The following NRXN1 variants were observed in gnomAD, a reference collection of about 807,000 sequenced individuals.
NRXN1 encodes the protein neurexin 1.
Under a neutral mutation model 150.9 loss-of-function variants are expected in NRXN1, and 39 were observed. The ratio of observed to expected loss-of-function variants is 0.26; its 90% CI spans 0.20 to 0.34. NRXN1 has a LOEUF of 0.34. Among genes scored for constraint, NRXN1 ranks in the 10% least tolerant of loss-of-function variants. NRXN1 has a pLI of 1.00. For missense variants in NRXN1, 1,815 were observed against 1,949.9 expected (o/e 0.93, Z 1.30); for synonymous variants, 924 against 757.0 (o/e 1.22, Z -3.62).
At chr2:50,610,395 G>A (rs1487597588) in intron 8 of NRXN1, among the ~76,000 whole-genome samples, 9 of 151,564 alleles carry the variant, frequency 5.9e-5, no homozygotes, top group African/African-American at 2.2e-4. Context: ...GTATACAACT[G>A]AGCAGAGAGA....
At chr2:50,515,552 C>A (rs141858149) in intron 12 of NRXN1, among the ~76,000 whole-genome samples, 9 of 150,742 alleles carry the variant, frequency 6.0e-5, no homozygotes, top group African/African-American at 2.2e-4. Context: ...AATTAGGTTC[C>A]TTTCCTTTTC....
intron 2 of NRXN1, among the ~76,000 whole-genome samples, chr2:50,934,571 G>A (rs1055020773): frequency 1.3e-5 from 2 of 152,126 alleles, no homozygotes; most frequent in Non-Finnish European, 2.9e-5. Flanking sequence ...TACCAGGCTG[G>A]ACAGCACAAA....
intron 5 of NRXN1, among the ~76,000 whole-genome samples, chr2:50,742,183 C>T (rs1383285707): frequency 6.6e-6 from 1 of 151,800 alleles, no homozygotes; most frequent in African/African-American, 2.4e-5. Flanking sequence ...AAGCTTAAAC[C>T]TTTGACTAAA....
chr2:50,590,517 C>T (rs1673989840), intron 8 of NRXN1, among the ~76,000 whole-genome samples: 1 of 152,118 alleles, frequency 6.6e-6, no homozygotes, highest in African/African-American at 2.4e-5. Context: ...GGACAACTAA[C>T]ATTAACTCAC....
chr2:49,952,893 A>G (rs1343380927), intron 21 of NRXN1, among the ~76,000 whole-genome samples: 1 of 152,168 alleles, frequency 6.6e-6, no homozygotes, highest in Non-Finnish European at 1.5e-5. Flanking sequence ...TTGGGAATAA[A>G]TACATGGAAG....
chr2:50,693,453 T>C (rs543478210), intron 5 of NRXN1, among the ~76,000 whole-genome samples: 2 of 152,194 alleles, frequency 1.3e-5, no homozygotes, highest in African/African-American at 4.8e-5. Context: ...GGTCCTTTGG[T>C]CCACTATACC....
chr2:50,450,074 G>C (rs901925317), intron 17 of NRXN1, among the ~76,000 whole-genome samples: 2 of 152,130 alleles, frequency 1.3e-5, no homozygotes, highest in Non-Finnish European at 2.9e-5. Flanking sequence ...TGTAAATATA[G>C]AGTGTAGCAA....
intron 5 of NRXN1, among the ~76,000 whole-genome samples, chr2:50,865,965 A>C (rs1458950285): frequency 2.0e-5 from 3 of 151,730 alleles, no homozygotes; most frequent in Non-Finnish European, 4.4e-5. Flanking sequence ...ACAAACAACA[A>C]GGACAAAAAA....
intron 17 of NRXN1, among the ~76,000 whole-genome samples, chr2:50,435,199 T>C (rs1346523266): frequency 6.6e-6 from 1 of 152,204 alleles, no homozygotes; most frequent in Non-Finnish European, 1.5e-5. Context: ...AGAAATGGGT[T>C]CAAGTTCCAC....
chr2:50,043,751 AG>A (rs1691378235), intron 21 of NRXN1, among the ~76,000 whole-genome samples: 1 of 152,222 alleles, frequency 6.6e-6, no homozygotes, highest in South Asian at 2.1e-4. Flanking sequence ...TGTTTAAGGA[AG>A]ATCTTATAAC....
At position 49,956,934 on chromosome 2, in the gene NRXN1, G is replaced by T. The variant is rs139372035; in HGVS notation, c.4129-13143C>A. On this transcript the variant is annotated intron_variant, in intron 21 of 22. Transcript: ENST00000401669. Reference sequence around the variant, plus strand: ...GATAATTTGCCATATAATCATGAATGGGTAGGGGAAATTGGCAGCTTTTAA... The same window carrying T: ...GATAATTTGCCATATAATCATGAATTGGTAGGGGAAATTGGCAGCTTTTAA... Among the ~76,000 whole-genome samples the T allele has an allele frequency of 2.1e-3, 317 of 152,204 alleles. 1 individual carries two copies. Among genetic ancestry groups the T allele is most frequent in the Middle Eastern group, 6.8e-3 (2 of 294 alleles).
At chr2:50,134,160 T>A (rs148919941) in intron 18 of NRXN1, among the ~76,000 whole-genome samples, 1,754 of 150,510 alleles carry the variant, frequency 0.012, 18 homozygotes, top group Middle Eastern at 0.078. Flanking sequence ...TAAAGGAATA[T>A]AACTATAGAC....
intron 18 of NRXN1, among the ~76,000 whole-genome samples, chr2:50,213,980 C>T (rs1414897007): frequency 1.3e-5 from 2 of 151,900 alleles, no homozygotes; most frequent in Admixed American, 6.6e-5. Flanking sequence ...TATTGACTTA[C>T]ATTAAGTTTA....
chr2:50,851,877 G>C (rs75793857), intron 5 of NRXN1, among the ~76,000 whole-genome samples: 6,040 of 152,180 alleles, frequency 0.04, 414 homozygotes, highest in African/African-American at 0.14. Context: ...TTTGCTAATG[G>C]TAACATAAAT....
chr2:50,809,296 A>AAG (rs1272196971), intron 5 of NRXN1, among the ~76,000 whole-genome samples: 1 of 152,016 alleles, frequency 6.6e-6, no homozygotes, highest in Non-Finnish European at 1.5e-5. Flanking sequence ...ATGTCTACCG[A>AAG]AGGTCCCTTG....
At chr2:50,621,329 C>T (rs1679980647) in intron 6 of NRXN1, 80 bp from the exon 7 acceptor site, 2 of 1,079,950 alleles carry the variant, frequency 1.9e-6, no homozygotes, top group South Asian at 2.8e-5. Flanking sequence ...ATGATGGTCT[C>T]TACCATGTTA....
At chr2:50,568,051 T>A (rs1045019616) in intron 8 of NRXN1, among the ~76,000 whole-genome samples, 2 of 152,178 alleles carry the variant, frequency 1.3e-5, no homozygotes, top group Non-Finnish European at 2.9e-5. Context: ...GAATGAAATT[T>A]AGACCCAGAC....
intron 8 of NRXN1, among the ~76,000 whole-genome samples, chr2:50,607,207 C>A (rs1279591579): frequency 6.6e-6 from 1 of 152,140 alleles, no homozygotes; most frequent in African/African-American, 2.4e-5. Context: ...CGCCAGCTCA[C>A]TTCAGACAAA....
At chr2:50,667,603 C>T (rs1375472402) in intron 5 of NRXN1, among the ~76,000 whole-genome samples, 2 of 151,916 alleles carry the variant, frequency 1.3e-5, no homozygotes, top group Non-Finnish European at 2.9e-5. Context: ...CAAATCTGAA[C>T]TCTGAGTTTT....
Sources: gnomAD v4.1 joint callset for allele counts (sites outside exome capture counted in the v4.1 genomes callset) on GRCh38, gnomAD v4.1.1 for gene constraint, MANE v1.5 for transcripts, NCBI Gene and HGNC (gene_info 2026-07-23, HGNC 2026-07-21) for gene names.